KCNQ5: variants seen among roughly 807,000 people sequenced by gnomAD.
KCNQ5 encodes potassium voltage-gated channel subfamily KQT member 5.
In KCNQ5, 30 loss-of-function variants were observed where a neutral mutation model predicts 98.2. The ratio of observed to expected loss-of-function variants is 0.31; its 90% CI spans 0.23 to 0.41. The LOEUF is 0.41. KCNQ5 is among the 10% of genes least tolerant of loss of function. The pLI is 1.00. For synonymous variants in KCNQ5, 458 were observed against 449.4 expected (o/e 1.02, Z -0.24); for missense variants, 835 against 1,182.5 (o/e 0.71, Z 4.31).
chr6:72,894,595 T>C (rs1779173722), intron 1 of KCNQ5, among the ~76,000 whole-genome samples: 1 of 152,216 alleles, frequency 6.6e-6, no homozygotes, highest in South Asian at 2.1e-4. Context: ...TTGTCTTGGT[T>C]GACAATTCTT....
chr6:72,790,128 C>T (rs1289215193), intron 1 of KCNQ5, among the ~76,000 whole-genome samples: 1 of 152,184 alleles, frequency 6.6e-6, no homozygotes, highest in African/African-American at 2.4e-5. Context: ...TTTCTTAAAG[C>T]AATGCTGTTG....
At chr6:73,178,366 T>A (rs1222810685) in intron 11 of KCNQ5, among the ~76,000 whole-genome samples, 1 of 151,060 alleles carries the variant, frequency 6.6e-6, no homozygotes, top group Non-Finnish European at 1.5e-5. Context: ...GCTGGGAGGA[T>A]GGCTTGAGCC....
At chr6:72,814,612 G>T (rs1207372296) in intron 1 of KCNQ5, among the ~76,000 whole-genome samples, 1 of 152,120 alleles carries the variant, frequency 6.6e-6, no homozygotes, top group Non-Finnish European at 1.5e-5. Context: ...TATCTGCTAT[G>T]CTCTTTGTTT....
intron 3 of KCNQ5, among the ~76,000 whole-genome samples, chr6:73,051,342 C>G (rs574803242): frequency 2.6e-5 from 4 of 152,278 alleles, no homozygotes; most frequent in South Asian, 2.1e-4. Context: ...GCACTCTGCC[C>G]CAGTTGATGA....
intron 1 of KCNQ5, among the ~76,000 whole-genome samples, chr6:73,003,608 G>A (rs1283740539): frequency 2.6e-5 from 4 of 152,100 alleles, no homozygotes; most frequent in African/African-American, 9.7e-5. Flanking sequence ...CGTTGTTTGG[G>A]AAGGAAGTTG....
chr6:72,834,403 T>C (rs1156528020), intron 1 of KCNQ5, among the ~76,000 whole-genome samples: 4 of 152,174 alleles, frequency 2.6e-5, no homozygotes, highest in Admixed American at 1.3e-4. Context: ...TTCATCTGAC[T>C]CTGAAATATG....
intron 3 of KCNQ5, among the ~76,000 whole-genome samples, chr6:73,064,128 C>G (rs1772946392): frequency 6.6e-6 from 1 of 152,284 alleles, no homozygotes; most frequent in East Asian, 1.9e-4. Flanking sequence ...ATCCGAGTAA[C>G]ACAGTCTATT....
intron 1 of KCNQ5, among the ~76,000 whole-genome samples, chr6:72,906,135 A>G (rs959235645): frequency 2.5e-4 from 38 of 152,042 alleles, no homozygotes; most frequent in African/African-American, 9.2e-4. Flanking sequence ...TAGGAGGATT[A>G]TGGCTGCCAC....
At chr6:72,639,724 G>A (rs1470143799) in intron 1 of KCNQ5, among the ~76,000 whole-genome samples, 1 of 152,164 alleles carries the variant, frequency 6.6e-6, no homozygotes, top group Non-Finnish European at 1.5e-5. Flanking sequence ...TTGCAGGGGA[G>A]AAGGGAGACA....
At chr6:73,045,038 A>T (rs539671827) in intron 3 of KCNQ5, among the ~76,000 whole-genome samples, 2 of 152,314 alleles carry the variant, frequency 1.3e-5, no homozygotes, top group South Asian at 4.1e-4. Context: ...TAGAGTGGTC[A>T]GCTAACAAGC....
At chr6:73,063,694 A>AGATAGAT (rs1562156111) in intron 3 of KCNQ5, among the ~76,000 whole-genome samples, 24 of 42,262 alleles carry the variant, frequency 5.7e-4, no homozygotes, top group African/African-American at 1.2e-3. Flanking sequence ...GATGATAGAT[A>AGATAGAT]GATAGATAGA....
At chr6:72,927,817 AT>A (rs1765499750) in intron 1 of KCNQ5, among the ~76,000 whole-genome samples, 2 of 152,074 alleles carry the variant, frequency 1.3e-5, no homozygotes, top group South Asian at 4.1e-4. Flanking sequence ...TAGGTGACCA[AT>A]ACAAATTTTT....
intron 1 of KCNQ5, among the ~76,000 whole-genome samples, chr6:72,658,003 A>C (rs1379216652): frequency 6.6e-6 from 1 of 152,194 alleles, no homozygotes; most frequent in East Asian, 1.9e-4. Context: ...CAAGTGAGTC[A>C]TAGCTATGTT....
chr6:72,867,468 G>T (rs577328450), intron 1 of KCNQ5, among the ~76,000 whole-genome samples: 1 of 152,306 alleles, frequency 6.6e-6, no homozygotes, highest in Admixed American at 6.5e-5. Flanking sequence ...AGTGCTGTGT[G>T]TGTTTAGGGC....
At chr6:73,029,917 AAAAAAAAAAG>A (rs1771062959) in intron 2 of KCNQ5, among the ~76,000 whole-genome samples, 1 of 151,334 alleles carries the variant, frequency 6.6e-6, no homozygotes, top group Admixed American at 6.6e-5. Flanking sequence ...AAAAAAAAAA[AAAAAAAAAAG>A]AGTATACTTG....
intron 1 of KCNQ5, among the ~76,000 whole-genome samples, chr6:72,781,060 G>A (rs574837193): frequency 8.5e-5 from 13 of 152,184 alleles, no homozygotes; most frequent in African/African-American, 2.4e-4. Flanking sequence ...GCAGAATCTC[G>A]GAATGTGATC....
chr6:73,187,874 G>A (rs577863746), intron 11 of KCNQ5, among the ~76,000 whole-genome samples: 2 of 152,312 alleles, frequency 1.3e-5, no homozygotes, highest in South Asian at 4.1e-4. Flanking sequence ...CTGAAAGGAA[G>A]AGAGAAAAGC....
chr6:72,932,743 A>G lies in KCNQ5; in HGVS notation c.399-71165A>G, dbSNP rs193213362. ...TGTCCTACATCATCTCATATACGGTAGCTTAAAATGCATCTATATCCTGCA... is the reference window on the plus strand; with the variant it reads ...TGTCCTACATCATCTCATATACGGTGGCTTAAAATGCATCTATATCCTGCA... On this transcript the variant is annotated intron_variant, in intron 1 of 13. Coordinates refer to ENST00000370398, the MANE Select transcript of KCNQ5 (RefSeq NM_019842.4). Among the ~76,000 whole-genome samples the G allele has an allele frequency of 4.2e-3, 635 of 152,312 alleles. 8 individuals are homozygous for G. Among genetic ancestry groups the G allele is most frequent in the African/African-American group, 0.014 (600 of 41,558 alleles).
rs982162036 is a variant in KCNQ5 at position 73,014,761 on chromosome 6, A to G, written c.489+10763A>G. On this transcript the variant is annotated intron_variant, in intron 2 of 13. Coordinates refer to ENST00000370398, the MANE Select transcript of KCNQ5 (RefSeq NM_019842.4). ...GAAGCATCCCCTTGGAAAGGTAATA[A>G]CAGCTACATAATTTGTTACATGTTT... Among the ~76,000 whole-genome samples, 3 of 152,114 alleles carry G rather than the reference A, an allele frequency of 2.0e-5. No homozygotes were observed. The East Asian group carries it at 5.8e-4, about 29-fold the overall frequency.
Sources: allele counts gnomAD v4.1 joint callset (sites outside exome capture counted in the v4.1 genomes callset), GRCh38; gene constraint gnomAD v4.1.1; transcripts MANE v1.5; gene names NCBI Gene and HGNC (gene_info 2026-07-23, HGNC 2026-07-21).